Variants in PCSK5 observed in about 807,000 individuals in gnomAD.
PCSK5 encodes the protein prohormone convertase 5.
Under a neutral mutation model 233.2 loss-of-function variants are expected in PCSK5, and 129 were observed. The observed-to-expected ratio is 0.55, with a 90% CI of 0.48 to 0.64. The LOEUF is 0.64. PCSK5 is among the 30% of genes least tolerant of loss of function. The pLI is 0.00. For missense variants in PCSK5, 2,076 were observed against 2,430.1 expected (o/e 0.85, Z 3.06); for synonymous variants, 825 against 879.2 (o/e 0.94, Z 1.09).
Position 76,233,458 on chromosome 9 carries a change from AG to A in PCSK5, c.2730del. The stretch of plus-strand genomic sequence containing the variant: ...AATTCTAAAAGTCTGCTTTTCCTCT[AG>A]GATTTTTGATGATGGCCGCTGTGTT... On this transcript the variant is annotated splice_acceptor_variant, in intron 21 of 37. Transcript: ENST00000674117. LOFTEE classifies it high-confidence loss of function. 1 of 1,612,698 alleles carries A rather than the reference AG, an allele frequency of 6.2e-7. No individual in the cohort carries two copies. Among genetic ancestry groups the A allele is most frequent in the Non-Finnish European group, 8.5e-7 (1 of 1,179,796 alleles).
intron 34 of PCSK5, among the ~76,000 whole-genome samples, chr9:76,336,103 G>A (rs764564361): frequency 2.6e-5 from 4 of 152,146 alleles, no homozygotes; most frequent in Non-Finnish European, 5.9e-5. Context: ...TTGTCTCTTA[G>A]ATACCTCAGT....
At chr9:76,132,001 C>A (rs1387659678) in intron 9 of PCSK5, among the ~76,000 whole-genome samples, 3 of 152,082 alleles carry the variant, frequency 2.0e-5, no homozygotes, top group African/African-American at 7.2e-5. Flanking sequence ...TGGGAGGATT[C>A]TGCTTTACCA....
At chr9:75,971,153 C>T (rs1825803227) in intron 2 of PCSK5, among the ~76,000 whole-genome samples, 1 of 140,366 alleles carries the variant, frequency 7.1e-6, no homozygotes, top group Non-Finnish European at 1.5e-5. Context: ...TCTCATTGTT[C>T]AGCTCCCACT....
chr9:76,025,623 A>G, intron 4 of PCSK5, among the ~76,000 whole-genome samples: 1 of 152,154 alleles, frequency 6.6e-6, no homozygotes, highest in East Asian at 1.9e-4. Context: ...ATAGCCACCT[A>G]ACATAAAGAG....
intron 32 of PCSK5, 52 bp downstream of exon 32, chr9:76,323,340 C>G (rs2259775): frequency 0.33 from 345,457 of 1,051,538 alleles, 57,831 homozygotes; most frequent in African/African-American, 0.44. Flanking sequence ...TAGTTCCAGC[C>G]CCAGCCCCAG....
chr9:75,972,920 A>G (rs560653418), intron 2 of PCSK5, among the ~76,000 whole-genome samples: 1 of 152,264 alleles, frequency 6.6e-6, no homozygotes, highest in Non-Finnish European at 1.5e-5. Flanking sequence ...GTGCTCCCCT[A>G]ACCTATGCCA....
intron 15 of PCSK5, among the ~76,000 whole-genome samples, chr9:76,180,200 G>T (rs1823800030): frequency 6.6e-6 from 1 of 150,498 alleles, no homozygotes; most frequent in African/African-American, 2.4e-5. Context: ...CTTTTTTTGT[G>T]GCCAGAACAC....
intron 24 of PCSK5, among the ~76,000 whole-genome samples, chr9:76,257,066 C>A (rs1827006996): frequency 6.6e-6 from 1 of 152,152 alleles, no homozygotes; most frequent in Non-Finnish European, 1.5e-5. Flanking sequence ...TACGTTCACC[C>A]TTTTTCTGAG....
At chr9:76,289,776 T>C (rs564079854) in intron 24 of PCSK5, among the ~76,000 whole-genome samples, 4 of 152,026 alleles carry the variant, frequency 2.6e-5, no homozygotes, top group South Asian at 4.2e-4. Context: ...GAACAACTGC[T>C]AATAATGAGA....
intron 29 of PCSK5, among the ~76,000 whole-genome samples, chr9:76,310,302 G>A (rs1828828179): frequency 1.3e-5 from 2 of 151,806 alleles, no homozygotes; most frequent in Admixed American, 6.6e-5. Context: ...GATGGGCTTT[G>A]GGGAAGCAGA....
rs1438413471 is a variant in PCSK5, at chr9:76,253,088, T to C, written c.3142+12404T>C. Among the ~76,000 whole-genome samples the C allele has an allele frequency of 4.6e-5, 7 of 152,226 alleles. No homozygotes were observed. The South Asian group carries it at 1.2e-3, about 27-fold the overall frequency. ...TTTAAATTGGAAGGAAGTGGCTGAT[T>C]GTAAAACCGCTGCTCAGCATTCATA... On this transcript the variant is annotated intron_variant, in intron 24 of 37. Coordinates refer to ENST00000674117, the MANE Select transcript of PCSK5 (RefSeq NM_001372043.1).
At chr9:76,319,377 T>A (rs932695565) in intron 30 of PCSK5, among the ~76,000 whole-genome samples, 3 of 147,338 alleles carry the variant, frequency 2.0e-5, no homozygotes, top group Non-Finnish European at 4.5e-5. Flanking sequence ...ACAAATTAGA[T>A]ATAGAGATGA....
intron 2 of PCSK5, among the ~76,000 whole-genome samples, chr9:75,953,001 A>T (rs1824935010): frequency 1.3e-5 from 2 of 152,200 alleles, no homozygotes; most frequent in Admixed American, 6.6e-5. Context: ...AAAATTGTTC[A>T]GTTATTTCCC....
chr9:76,173,052 T>C (rs910451223), intron 13 of PCSK5, among the ~76,000 whole-genome samples: 2 of 152,226 alleles, frequency 1.3e-5, no homozygotes, highest in Non-Finnish European at 2.9e-5. Flanking sequence ...AATTGGAGTA[T>C]GTTTTAATAC....
chr9:76,089,986 G>T (rs1831219701), intron 7 of PCSK5, among the ~76,000 whole-genome samples: 1 of 152,172 alleles, frequency 6.6e-6, no homozygotes, highest in Admixed American at 6.5e-5. Flanking sequence ...AGTATTTACA[G>T]GTTGTTCAAA....
chr9:76,090,399 G>T (rs1831237300), intron 7 of PCSK5, among the ~76,000 whole-genome samples: 1 of 151,988 alleles, frequency 6.6e-6, no homozygotes, highest in African/African-American at 2.4e-5. Context: ...AATTGTTTAG[G>T]ATTAACCCCA....
At chr9:76,046,665 A>G (rs1829417992) in intron 5 of PCSK5, among the ~76,000 whole-genome samples, 1 of 139,084 alleles carries the variant, frequency 7.2e-6, no homozygotes, top group Non-Finnish European at 1.5e-5. Flanking sequence ...GGTTCACGGC[A>G]TTCTCCTGTC....
At chr9:76,225,074 A>G (rs1460616286) in intron 20 of PCSK5, among the ~76,000 whole-genome samples, 2 of 152,228 alleles carry the variant, frequency 1.3e-5, no homozygotes, top group Non-Finnish European at 2.9e-5. Context: ...ACTGATGTCA[A>G]GGCAAAGTAA....
chr9:76,144,959 C>G (rs897651013), intron 10 of PCSK5, among the ~76,000 whole-genome samples: 1 of 152,074 alleles, frequency 6.6e-6, no homozygotes, highest in Non-Finnish European at 1.5e-5. Flanking sequence ...AACCCCATCT[C>G]TACTAAAAAT....
Sources: gnomAD v4.1 joint callset for allele counts (sites outside exome capture counted in the v4.1 genomes callset) on GRCh38, gnomAD v4.1.1 for gene constraint, MANE v1.5 for transcripts, NCBI Gene and HGNC (gene_info 2026-07-23, HGNC 2026-07-21) for gene names.